CFAP54: variants seen among roughly 807,000 people sequenced by gnomAD.
The protein encoded by CFAP54 is cilia and flagella associated protein 54, also known as cilia- and flagella-associated protein 54.
Under a neutral mutation model 370.4 loss-of-function variants are expected in CFAP54, and 290 were observed. The ratio of observed to expected loss-of-function variants is 0.78; its 90% CI spans 0.71 to 0.86. The LOEUF (loss-of-function observed/expected upper bound fraction) is 0.86, where lower values mean the gene tolerates loss of function less well. CFAP54 is among the 40% of genes least tolerant of loss of function. CFAP54 has a pLI of 0.00. For missense variants in CFAP54, 3,399 were observed against 3,528.7 expected, an observed-to-expected ratio of 0.96 and a Z score of 0.93; for synonymous variants, 1,206 against 1,236.5, an observed-to-expected ratio of 0.98 and a Z score of 0.52.
intron 43 of CFAP54, among the ~76,000 whole-genome samples, chr12:96,689,477 CAG>C (rs1219279987): frequency 1.3e-5 from 2 of 152,106 alleles, no homozygotes; most frequent in East Asian, 1.9e-4. Context: ...TAATATTTAA[CAG>C]AGTCAGTTTT....
intron 26 of CFAP54, among the ~76,000 whole-genome samples, chr12:96,603,748 G>A (rs944013538): frequency 5.3e-5 from 8 of 151,738 alleles, no homozygotes; most frequent in Non-Finnish European, 1.0e-4. Flanking sequence ...TGATCGAATC[G>A]GCTACTGAAG....
At chr12:96,837,664 C>A (rs1959190606) in intron 66 of CFAP54, among the ~76,000 whole-genome samples, 1 of 152,202 alleles carries the variant, frequency 6.6e-6, no homozygotes, top group South Asian at 2.1e-4. Context: ...CATGATACAT[C>A]TTCTAGAGAT....
At chr12:96,805,537 C>T (rs1958868604) in intron 63 of CFAP54, among the ~76,000 whole-genome samples, 1 of 149,964 alleles carries the variant, frequency 6.7e-6, no homozygotes, top group Non-Finnish European at 1.5e-5. Flanking sequence ...AAGATGTCAT[C>T]TTAACACCAG....
chr12:96,646,618 T>C (rs1438115668), intron 33 of CFAP54: 5 of 152,270 alleles, frequency 3.3e-5, no homozygotes, highest in Non-Finnish European at 7.4e-5. Flanking sequence ...ACCCAAAGGA[T>C]TATAAATCAT....
intron 56 of CFAP54, among the ~76,000 whole-genome samples, chr12:96,755,872 T>C (rs1353728558): frequency 6.6e-6 from 1 of 152,022 alleles, no homozygotes; most frequent in Non-Finnish European, 1.5e-5. Context: ...TTCACCATGT[T>C]GGGCAGGCTG....
intron 55 of CFAP54, among the ~76,000 whole-genome samples, chr12:96,746,664 G>A (rs1958117211): frequency 6.6e-6 from 1 of 152,134 alleles, no homozygotes; most frequent in Non-Finnish European, 1.5e-5. Context: ...GGCTTCTTAT[G>A]ATGTGGTCCA....
Position 96,576,610 on chromosome 12 carries a change from T to C in CFAP54, c.2645T>C (p.Ile882Thr). ...GAAGCATATTCCTTAATTCAGAGGA[T>C]TGAAGCTGAACAAAATGCCCTATAT... ...LMEAYSLIQR[I>T]EAEQNALYSY... The change falls in exon 20 of 68, where the codon ATT becomes ACT. Residue 882 changes from isoleucine to threonine, a missense_variant. Ile to Thr is a moderately conservative substitution (Grantham distance 89). Coordinates refer to ENST00000524981, the MANE Select transcript of CFAP54 (RefSeq NM_001306084.2). 2.6e-6 allele frequency: 4 copies of C among 1,533,754 alleles called. No homozygotes were observed. The highest frequency in any genetic ancestry group is 3.5e-6 in the Non-Finnish European group (4 of 1,145,148).
At chr12:96,852,830 A>T (rs892503821) in intron 66 of CFAP54, among the ~76,000 whole-genome samples, 2 of 152,082 alleles carry the variant, frequency 1.3e-5, no homozygotes, top group African/African-American at 4.8e-5. Flanking sequence ...TGGACCAAAG[A>T]CCTGTACTTC....
chr12:96,617,217 G>T (rs371039534), intron 26 of CFAP54, among the ~76,000 whole-genome samples: 2 of 152,146 alleles, frequency 1.3e-5, no homozygotes, highest in Non-Finnish European at 2.9e-5. Context: ...TTTTGGAGTC[G>T]ATAGGATATC....
At chr12:96,559,627 A>G (rs769514117) in intron 17 of CFAP54, among the ~76,000 whole-genome samples, 1 of 152,156 alleles carries the variant, frequency 6.6e-6, no homozygotes, top group Non-Finnish European at 1.5e-5. Context: ...CTGTAGATGT[A>G]TATACCTATT....
chr12:96,545,302 C>CTGA (rs1955626499), intron 14 of CFAP54, among the ~76,000 whole-genome samples: 1 of 152,018 alleles, frequency 6.6e-6, no homozygotes, highest in South Asian at 2.1e-4. Flanking sequence ...ATACAGATAA[C>CTGA]GGGTTGATGG....
At chr12:96,778,763 G>GT (rs1156357118) in intron 60 of CFAP54, among the ~76,000 whole-genome samples, 1 of 152,036 alleles carries the variant, frequency 6.6e-6, no homozygotes, top group Admixed American at 6.6e-5. Context: ...CCACAAAATT[G>GT]TTTTTTAAAA....
intron 66 of CFAP54, among the ~76,000 whole-genome samples, chr12:96,835,685 CA>C (rs1959183928): frequency 6.6e-6 from 1 of 152,182 alleles, no homozygotes; most frequent in Admixed American, 6.5e-5. Flanking sequence ...TTTACAGCTG[CA>C]GTTTGGGCAG....
rs2136401348 is a variant in CFAP54 at position 96,554,816 on chromosome 12, A to T, written c.2410+14A>T. The T allele has an allele frequency of 6.6e-7, 1 of 1,523,474 alleles. No homozygotes were observed. Among genetic ancestry groups the T allele is most frequent in the Admixed American group, 2.0e-5 (1 of 50,100 alleles). 94.4% of individuals were successfully genotyped at this position (1,523,474 alleles called of 1,614,324 possible). A position where few individuals can be genotyped will look rare whatever the true frequency, so the allele number is the denominator to read the frequency against. ...ACAAATTGCAAGGTAGTAGTCACTAAAGCAAGTAACCATTCTGAATCAATT... is the reference window on the plus strand; with the variant it reads ...ACAAATTGCAAGGTAGTAGTCACTATAGCAAGTAACCATTCTGAATCAATT... On this transcript the variant is annotated intron_variant, in intron 17 of 67. Coordinates refer to ENST00000524981, the MANE Select transcript of CFAP54 (RefSeq NM_001306084.2).
rs11303164 is a variant in CFAP54, at chr12:96,648,580, C to CT, written c.4690+590dup. On this transcript the variant is annotated intron_variant, in intron 34 of 67. Transcript: ENST00000524981. Reference sequence around the variant, plus strand: ...TAGAGACATGCAGGTAAACAGGGTTCTTTTTTTTTTTTTTTTTTTTTTTTT... The same window carrying CT: ...TAGAGACATGCAGGTAAACAGGGTTCTTTTTTTTTTTTTTTTTTTTTTTTTT... Among the ~76,000 whole-genome samples, 343 of 58,700 alleles carry CT rather than the reference C, an allele frequency of 5.8e-3. 14 individuals carry two copies. The highest frequency in any genetic ancestry group is 6.7e-3 in the Non-Finnish European group (227 of 33,844). 38.5% of individuals were successfully genotyped at this position (58,700 alleles called of 152,430 possible).
chr12:96,802,792 T>G (rs1958835830), intron 63 of CFAP54, among the ~76,000 whole-genome samples: 1 of 152,118 alleles, frequency 6.6e-6, no homozygotes, highest in African/African-American at 2.4e-5. Flanking sequence ...AAGACCCACA[T>G]GCATTAGGTA....
At chr12:96,805,358 A>C (rs1379386568) in intron 63 of CFAP54, among the ~76,000 whole-genome samples, 1 of 151,750 alleles carries the variant, frequency 6.6e-6, no homozygotes, top group Non-Finnish European at 1.5e-5. Context: ...TCTAATATCT[A>C]GAATCTACAA....
At chr12:96,616,729 G>A (rs1956423383) in intron 26 of CFAP54, among the ~76,000 whole-genome samples, 1 of 152,142 alleles carries the variant, frequency 6.6e-6, no homozygotes, top group South Asian at 2.1e-4. Context: ...TTTTATCATG[G>A]AGGATATAAT....
intron 14 of CFAP54, among the ~76,000 whole-genome samples, chr12:96,546,421 GTTTA>G (rs72462967): frequency 0.026 from 3,900 of 152,054 alleles, 117 homozygotes; most frequent in African/African-American, 0.07. Context: ...TTGTTTGTTT[GTTTA>G]TTTATTTTCC....
Sources: gnomAD v4.1 joint callset for allele counts (sites outside exome capture counted in the v4.1 genomes callset) on GRCh38, gnomAD v4.1.1 for gene constraint, MANE v1.5 for transcripts, NCBI Gene and HGNC (gene_info 2026-07-23, HGNC 2026-07-21) for gene names.